Variants in ADAMTS9 observed in about 807,000 individuals in gnomAD.
The protein encoded by ADAMTS9 is ADAM metallopeptidase with thrombospondin type 1 motif 9.
Under a neutral mutation model 257.1 loss-of-function variants are expected in ADAMTS9, and 107 were observed. The ratio of observed to expected loss-of-function variants is 0.42; its 90% CI spans 0.36 to 0.49. ADAMTS9 has a LOEUF of 0.49. Ranked by LOEUF, ADAMTS9 falls within the 20% of genes least tolerant of loss-of-function variation. The pLI, the probability that ADAMTS9 is intolerant of heterozygous loss-of-function variation, is 0.03. For missense variants in ADAMTS9, 2,353 were observed against 2,469.1 expected (o/e 0.95, Z 1.00); for synonymous variants, 982 against 880.9 (o/e 1.11, Z -2.03).
At chr3:64,653,975 G>C (rs1440522825) in intron 8 of ADAMTS9, among the ~76,000 whole-genome samples, 1 of 144,398 alleles carries the variant, frequency 6.9e-6, no homozygotes, top group Non-Finnish European at 1.5e-5. Context: ...AATGGTGGGG[G>C]ACCCTCCTAG....
chr3:64,621,573 C>G (rs1700104707), intron 18 of ADAMTS9, among the ~76,000 whole-genome samples: 1 of 151,922 alleles, frequency 6.6e-6, no homozygotes. Flanking sequence ...AACAGCCTGG[C>G]TAACGTGGTG....
chr3:64,601,871 T>G, intron 26 of ADAMTS9, 73 bp downstream of exon 26: 3 of 1,493,264 alleles, frequency 2.0e-6, no homozygotes, highest in Non-Finnish European at 2.7e-6. Flanking sequence ...GCTCTAAAGG[T>G]GTTTCTAGTC....
intron 28 of ADAMTS9, among the ~76,000 whole-genome samples, chr3:64,582,123 G>A (rs2084019566): frequency 6.6e-6 from 1 of 152,174 alleles, no homozygotes; most frequent in Non-Finnish European, 1.5e-5. Flanking sequence ...GTGTGTTTGT[G>A]TGGCATGGGG....
chr3:64,631,054 G>C (rs1700357355), intron 16 of ADAMTS9, among the ~76,000 whole-genome samples: 1 of 152,198 alleles, frequency 6.6e-6, no homozygotes, highest in South Asian at 2.1e-4. Context: ...ACTGGTTAGA[G>C]CTGATAACAT....
At chr3:64,574,376 G>A (rs1421524718) in intron 28 of ADAMTS9, among the ~76,000 whole-genome samples, 1 of 151,924 alleles carries the variant, frequency 6.6e-6, no homozygotes, top group Non-Finnish European at 1.5e-5. Context: ...GGGTCAAAGA[G>A]GTGACGTCAC....
intron 14 of ADAMTS9, among the ~76,000 whole-genome samples, chr3:64,632,829 A>C (rs1191124083): frequency 1.3e-5 from 1 of 76,730 alleles, no homozygotes; most frequent in African/African-American, 4.7e-5. Context: ...GACCACAGGC[A>C]AAAAAAAAAA....
chr3:64,619,411 T>C (rs1051847754), intron 19 of ADAMTS9, among the ~76,000 whole-genome samples: 1 of 152,166 alleles, frequency 6.6e-6, no homozygotes, highest in Admixed American at 6.5e-5. Flanking sequence ...TAAAAATAAC[T>C]CTCTCCTAGG....
chr3:64,601,218 G>A (rs1007409245), intron 26 of ADAMTS9, among the ~76,000 whole-genome samples: 3 of 152,122 alleles, frequency 2.0e-5, no homozygotes, highest in Admixed American at 1.3e-4. Context: ...TGTGGCAGGC[G>A]GGGCGCAAAG....
intron 11 of ADAMTS9, among the ~76,000 whole-genome samples, chr3:64,647,044 G>C (rs1700811872): frequency 6.6e-6 from 1 of 152,110 alleles, no homozygotes; most frequent in Admixed American, 6.5e-5. Flanking sequence ...AAAAGGAAAT[G>C]AGATGAGAAT....
At chr3:64,621,793 T>TA (rs371561807) in intron 18 of ADAMTS9, among the ~76,000 whole-genome samples, 22,654 of 140,124 alleles carry the variant, frequency 0.16, 2,019 homozygotes, top group East Asian at 0.36. Flanking sequence ...AATAAAAAAA[T>TA]AAAAAGAAAA....
chr3:64,687,422 G>A lies in ADAMTS9; in HGVS notation c.115+121C>T. 1.2e-6 allele frequency: 1 copy of A among 828,074 alleles called. No individual in the cohort carries two copies. Among genetic ancestry groups the A allele is most frequent in the Non-Finnish European group, 1.8e-6 (1 of 551,550 alleles). 51.3% of individuals were successfully genotyped at this position (828,074 alleles called of 1,614,324 possible). A position where few individuals can be genotyped will look rare whatever the true frequency, so the allele number is the denominator to read the frequency against. On this transcript the variant is annotated intron_variant, in intron 1 of 39. Transcript: ENST00000498707. The surrounding 1 kb of genome is among the most constrained non-coding windows in gnomAD (Gnocchi z 4.4). Reference sequence around the variant, plus strand: ...CCAAAGAAGGGAGAGGCTGCAAAGCGGGAGATAATTCTTTCTAGGAAAAGG... The same window carrying A: ...CCAAAGAAGGGAGAGGCTGCAAAGCAGGAGATAATTCTTTCTAGGAAAAGG...
At chr3:64,660,744 C>T (rs1576171520) in intron 3 of ADAMTS9, among the ~76,000 whole-genome samples, 1 of 151,954 alleles carries the variant, frequency 6.6e-6, no homozygotes, top group Non-Finnish European at 1.5e-5. Context: ...ACTGGTAATT[C>T]GTATTAAGCC....
intron 12 of ADAMTS9, among the ~76,000 whole-genome samples, chr3:64,640,341 T>A (rs1700606716): frequency 6.6e-6 from 1 of 152,200 alleles, no homozygotes; most frequent in African/African-American, 2.4e-5. Context: ...CAATTCAGAT[T>A]TTTCATAGAA....
chr3:64,591,205 C>T (rs922882612), intron 28 of ADAMTS9, among the ~76,000 whole-genome samples: 1 of 152,094 alleles, frequency 6.6e-6, no homozygotes, highest in Non-Finnish European at 1.5e-5. Flanking sequence ...CTTTGTGAGG[C>T]CAAGGCAGCG....
intron 11 of ADAMTS9, among the ~76,000 whole-genome samples, chr3:64,647,007 T>C (rs1700810503): frequency 6.6e-6 from 1 of 152,086 alleles, no homozygotes; most frequent in African/African-American, 2.4e-5. Context: ...TTCTGGGTGC[T>C]ACCAATTCTA....
intron 16 of ADAMTS9, among the ~76,000 whole-genome samples, chr3:64,630,774 T>G (rs1700349522): frequency 6.6e-6 from 1 of 152,142 alleles, no homozygotes; most frequent in South Asian, 2.1e-4. Context: ...ACTCCAGAAC[T>G]TTAAGTTAAA....
chr3:64,650,224 G>A (rs1700898759), intron 9 of ADAMTS9: 1 of 153,182 alleles, frequency 6.5e-6, no homozygotes, highest in Admixed American at 6.5e-5. Flanking sequence ...ACACCATCTG[G>A]TTAAAAAGAA....
At chr3:64,672,236 C>A (rs2107018604) in intron 3 of ADAMTS9, among the ~76,000 whole-genome samples, 1 of 152,322 alleles carries the variant, frequency 6.6e-6, no homozygotes, top group South Asian at 2.1e-4. Flanking sequence ...CCTTGTAGCA[C>A]CCCTTTTCTT....
intron 2 of ADAMTS9, among the ~76,000 whole-genome samples, chr3:64,681,809 C>A (rs1701764887): frequency 6.6e-6 from 1 of 152,122 alleles, no homozygotes; most frequent in Admixed American, 6.5e-5. Flanking sequence ...GTAACTTATT[C>A]TTGATTTGAC....
Sources: gnomAD v4.1 joint callset for allele counts (sites outside exome capture counted in the v4.1 genomes callset) on GRCh38, gnomAD v4.1.1 for gene constraint, Gnocchi (gnomAD v3.1) non-coding constraint, MANE v1.5 for transcripts, NCBI Gene and HGNC (gene_info 2026-07-23, HGNC 2026-07-21) for gene names.